Variants in SLC44A5 observed in about 807,000 individuals in gnomAD.
SLC44A5 encodes choline transporter-like protein 5.
A neutral mutation model predicts 101.8 loss-of-function variants in SLC44A5; 57 were observed. The ratio of observed to expected loss-of-function variants is 0.56; its 90% CI spans 0.45 to 0.70. The LOEUF is 0.70. Among genes scored for constraint, SLC44A5 ranks in the 30% least tolerant of loss-of-function variants. SLC44A5 has a pLI of 0.00. For synonymous variants in SLC44A5, 281 were observed against 290.9 expected (o/e 0.97, Z 0.35); for missense variants, 737 against 853.1 (o/e 0.86, Z 1.70).
At chr1:75,638,888 G>A in the SLC44A5 span, among the ~76,000 whole-genome samples, 1 of 151,964 alleles carries the variant, frequency 6.6e-6, no homozygotes, top group Admixed American at 6.6e-5. Context: ...GATATCTTCT[G>A]CCAATTGCAA....
At chr1:75,442,265 GA>G (rs976085906) in intron 2 of SLC44A5, among the ~76,000 whole-genome samples, 1 of 151,596 alleles carries the variant, frequency 6.6e-6, no homozygotes. Context: ...GCTGCTAAAG[GA>G]AAAAAAATAA....
rs931701644 is a variant in SLC44A5, at chr1:75,219,651, T to C, written c.1178+149A>G. 8.0e-6 allele frequency: 5 copies of C among 623,920 alleles called. No individual in the cohort carries two copies. The African/African-American group carries it at 9.3e-5, about 12-fold the overall frequency. The allele number at this position is 623,920 out of a possible 1,614,324, so 38.6% of individuals were successfully genotyped here. A position where few individuals can be genotyped will look rare whatever the true frequency, so the allele number is the denominator to read the frequency against. On this transcript the variant is annotated intron_variant, in intron 15 of 23. Transcript: ENST00000370859. The stretch of plus-strand genomic sequence containing the variant: ...TTTGAGGGGAAATTCAATCGGTAGA[T>C]TGAAACGTTTTTAGAGCTTGGGAAA...
At chr1:75,500,342 G>A (rs1024796958) in intron 2 of SLC44A5, among the ~76,000 whole-genome samples, 2 of 152,190 alleles carry the variant, frequency 1.3e-5, no homozygotes, top group African/African-American at 2.4e-5. Context: ...TCTGAGGATC[G>A]AAAGATGGAG....
At chr1:75,273,252 G>T (rs151027379) in intron 6 of SLC44A5, among the ~76,000 whole-genome samples, 4 of 152,252 alleles carry the variant, frequency 2.6e-5, no homozygotes, top group African/African-American at 9.6e-5. Flanking sequence ...AGCCTTTAGT[G>T]AATTCATTTA....
intron 6 of SLC44A5, among the ~76,000 whole-genome samples, chr1:75,257,921 G>A (rs114559723): frequency 0.022 from 3,354 of 152,210 alleles, 172 homozygotes; most frequent in African/African-American, 0.076. Context: ...AGGGTGGGTT[G>A]TCACCTCACC....
At chr1:75,722,881 G>A in the SLC44A5 span, among the ~76,000 whole-genome samples, 2 of 152,192 alleles carry the variant, frequency 1.3e-5, no homozygotes, top group African/African-American at 4.8e-5. Context: ...ATATCTGTTG[G>A]CCGTAATAAA....
chr1:75,243,192 A>G (rs1648803966), intron 7 of SLC44A5, among the ~76,000 whole-genome samples, 181 bp from the exon 8 acceptor site: 1 of 152,066 alleles, frequency 6.6e-6, no homozygotes, highest in Non-Finnish European at 1.5e-5. Flanking sequence ...TTTTAGAGAC[A>G]GTGGCATGAC....
chr1:75,509,719 G>C (rs1669460855), intron 2 of SLC44A5, among the ~76,000 whole-genome samples: 1 of 152,190 alleles, frequency 6.6e-6, no homozygotes, highest in Non-Finnish European at 1.5e-5. Context: ...TAAGCCCTGT[G>C]TTACAGAGAC....
intron 2 of SLC44A5, among the ~76,000 whole-genome samples, chr1:75,525,018 T>C (rs1670336656): frequency 6.6e-6 from 1 of 152,144 alleles, no homozygotes; most frequent in Admixed American, 6.5e-5. Flanking sequence ...GAGGCAAAGT[T>C]ATTCTTCACA....
the SLC44A5 span, among the ~76,000 whole-genome samples, chr1:75,639,057 G>A: frequency 2.0e-5 from 3 of 152,052 alleles, no homozygotes; most frequent in Non-Finnish European, 2.9e-5. Context: ...TGGATGGGGG[G>A]AAGAGAGTTG....
intron 3 of SLC44A5, among the ~76,000 whole-genome samples, chr1:75,384,837 C>T (rs1484619245): frequency 6.6e-6 from 1 of 150,668 alleles, no homozygotes; most frequent in Non-Finnish European, 1.5e-5. Context: ...TGTAAAAGAA[C>T]AGAGATTATA....
chr1:75,217,979 A>G lies in SLC44A5; in HGVS notation c.1530-19T>C. 1 of 1,483,438 alleles carries G rather than the reference A, an allele frequency of 6.7e-7. No homozygotes were observed. Among genetic ancestry groups the G allele is most frequent in the African/African-American group, 1.4e-5 (1 of 71,996 alleles). 91.9% of individuals were successfully genotyped at this position (1,483,438 alleles called of 1,614,324 possible). ...GTGATATCTGCACAAAAATAAAATGAGAATAAGTTAAAACTTAATACTATT... is the reference window on the plus strand; with the variant it reads ...GTGATATCTGCACAAAAATAAAATGGGAATAAGTTAAAACTTAATACTATT... On this transcript the variant is annotated intron_variant, in intron 17 of 23. Coordinates refer to ENST00000370859, the MANE Select transcript of SLC44A5 (RefSeq NM_001130058.2).
chr1:75,602,890 G>C (rs147027649), intron 1 of SLC44A5, among the ~76,000 whole-genome samples: 56 of 152,158 alleles, frequency 3.7e-4, no homozygotes, highest in African/African-American at 1.3e-3. Context: ...CTTAAAATAA[G>C]TTTTGACTTT....
intron 5 of SLC44A5, among the ~76,000 whole-genome samples, chr1:75,297,673 A>G (rs1424118702): frequency 6.6e-6 from 1 of 152,246 alleles, no homozygotes; most frequent in African/African-American, 2.4e-5. Context: ...AATAATTTGC[A>G]TAATAAATAT....
intron 2 of SLC44A5, among the ~76,000 whole-genome samples, chr1:75,444,703 A>C (rs1282256438): frequency 6.6e-6 from 1 of 152,132 alleles, no homozygotes; most frequent in African/African-American, 2.4e-5. Context: ...GAGTTCTTGT[A>C]CCAGAAAGAG....
At chr1:75,330,150 C>T (rs202092617) in intron 4 of SLC44A5, among the ~76,000 whole-genome samples, 5 of 68,206 alleles carry the variant, frequency 7.3e-5, no homozygotes, top group Admixed American at 2.1e-4. Context: ...CATGCATATA[C>T]GTATATGCAT....
chr1:75,516,424 G>A (rs527355595), intron 2 of SLC44A5, among the ~76,000 whole-genome samples: 2 of 152,286 alleles, frequency 1.3e-5, no homozygotes, highest in African/African-American at 4.8e-5. Context: ...GGCTGAGGCA[G>A]GAGAATGGCG....
Position 75,385,591 on chromosome 1 carries a change from A to C in SLC44A5, c.52+10992T>G, listed in dbSNP as rs1661265405. The stretch of plus-strand genomic sequence containing the variant: ...ATAGCTTACCGACCAAAAAGAATCC[A>C]GGACCAGATGGATTCACAGCCAAAT... On this transcript the variant is annotated intron_variant, in intron 3 of 23. Coordinates refer to ENST00000370859, the MANE Select transcript of SLC44A5 (RefSeq NM_001130058.2). 2.6e-5 allele frequency among the ~76,000 whole-genome samples: 4 copies of C among 152,192 alleles called. No individual in the cohort carries two copies. The South Asian group carries it at 8.3e-4, about 32-fold the overall frequency.
the SLC44A5 span, among the ~76,000 whole-genome samples, chr1:75,670,142 T>C: frequency 6.6e-6 from 1 of 152,126 alleles, no homozygotes; most frequent in Admixed American, 6.6e-5. Flanking sequence ...GAAGATATGA[T>C]AATGAATACA....
Sources: gnomAD v4.1 joint callset for allele counts (sites outside exome capture counted in the v4.1 genomes callset) on GRCh38, gnomAD v4.1.1 for gene constraint, MANE v1.5 for transcripts, NCBI Gene and HGNC (gene_info 2026-07-23, HGNC 2026-07-21) for gene names.